Variants in VPS13B observed in about 807,000 individuals in gnomAD.
VPS13B encodes the protein vacuolar protein sorting 13 homolog B, also known as intermembrane lipid transfer protein VPS13B.
In VPS13B, 285 loss-of-function variants were observed where a neutral mutation model predicts 426.4. The observed-to-expected ratio is 0.67, with a 90% CI of 0.61 to 0.74. The LOEUF (loss-of-function observed/expected upper bound fraction) is 0.74. Ranked by LOEUF, VPS13B falls within the 30% of genes least tolerant of loss-of-function variation. VPS13B has a pLI of 0.00. For missense variants in VPS13B, 4,537 were observed against 4,782.6 expected, an observed-to-expected ratio of 0.95 and a Z score of 1.51; for synonymous variants, 1,676 against 1,676.4, an observed-to-expected ratio of 1.00 and a Z score of 0.01.
intron 33 of VPS13B, among the ~76,000 whole-genome samples, chr8:99,602,917 A>G (rs974993133): frequency 6.6e-6 from 1 of 152,242 alleles, no homozygotes; most frequent in South Asian, 2.1e-4. Flanking sequence ...ATGTTCATGG[A>G]TAGGAAGCAT....
intron 39 of VPS13B, among the ~76,000 whole-genome samples, chr8:99,752,726 A>G (rs1421799960): frequency 2.0e-5 from 3 of 152,230 alleles, no homozygotes; most frequent in African/African-American, 7.2e-5. Flanking sequence ...TATCTGTACT[A>G]TAGTTTTCAC....
At chr8:99,427,862 T>C (rs180895732) in intron 21 of VPS13B, among the ~76,000 whole-genome samples, 1,690 of 151,902 alleles carry the variant, frequency 0.011, 17 homozygotes, top group Non-Finnish European at 0.017. Context: ...AAGCTGGAGG[T>C]ATCAGGCTAC....
intron 3 of VPS13B, chr8:99,091,879 G>A (rs1205625239): frequency 6.6e-6 from 1 of 152,214 alleles, no homozygotes; most frequent in Admixed American, 6.5e-5. Flanking sequence ...TGCTTGCGAA[G>A]TTTGGTGCCA....
At chr8:99,430,435 G>A (rs570104059) in intron 21 of VPS13B, among the ~76,000 whole-genome samples, 17 of 152,070 alleles carry the variant, frequency 1.1e-4, no homozygotes, top group Admixed American at 3.3e-4. Flanking sequence ...TATAAATTAT[G>A]TATTTGAATT....
At position 99,810,555 on chromosome 8, in the gene VPS13B, G is replaced by A. The variant is rs191896707; in HGVS notation, c.8097+1025G>A. 1.8e-4 allele frequency among the ~76,000 whole-genome samples: 27 copies of A among 152,198 alleles called. No individual in the cohort carries two copies. In the East Asian group the frequency reaches 4.4e-3, roughly 25 times the overall value. On this transcript the variant is annotated intron_variant, in intron 44 of 61. Coordinates refer to ENST00000357162, the MANE Select transcript of VPS13B (RefSeq NM_152564.5). Reference sequence around the variant, plus strand: ...TGGTGATCTTATTATTGTGGGCCACGGAAATAAAAAGAGAACTCAACTCTA... The same window carrying A: ...TGGTGATCTTATTATTGTGGGCCACAGAAATAAAAAGAGAACTCAACTCTA...
chr8:99,217,708 G>C (rs189123801), intron 17 of VPS13B, among the ~76,000 whole-genome samples: 2 of 152,120 alleles, frequency 1.3e-5, no homozygotes, highest in Admixed American at 1.3e-4. Context: ...TCCTTTTCTT[G>C]GCAAATCCTT....
intron 17 of VPS13B, among the ~76,000 whole-genome samples, chr8:99,262,734 A>G (rs1262383101): frequency 2.0e-5 from 3 of 152,078 alleles, no homozygotes; most frequent in Non-Finnish European, 2.9e-5. Flanking sequence ...CCCAGTATCA[A>G]TATGGCTCCT....
intron 3 of VPS13B, among the ~76,000 whole-genome samples, chr8:99,071,300 G>T (rs1844836994): frequency 6.6e-6 from 1 of 152,162 alleles, no homozygotes; most frequent in African/African-American, 2.4e-5. Context: ...TGCTGCAGCT[G>T]TATCGCACTG....
At chr8:99,792,431 T>G (rs1812587740) in intron 43 of VPS13B, among the ~76,000 whole-genome samples, 3 of 142,998 alleles carry the variant, frequency 2.1e-5, no homozygotes, top group Non-Finnish European at 4.5e-5. Flanking sequence ...CTAAATTAGT[T>G]GATTTTTAGT....
intron 17 of VPS13B, among the ~76,000 whole-genome samples, chr8:99,271,913 C>T (rs1310979636): frequency 2.0e-5 from 3 of 152,098 alleles, no homozygotes; most frequent in Non-Finnish European, 2.9e-5. Flanking sequence ...GGTGGGGACA[C>T]AAAGCTAAAC....
intron 7 of VPS13B, among the ~76,000 whole-genome samples, chr8:99,119,143 T>C (rs1847818356): frequency 1.3e-5 from 2 of 152,212 alleles, no homozygotes; most frequent in Non-Finnish European, 1.5e-5. Flanking sequence ...GAATTTTTAA[T>C]GTGATTATCG....
chr8:99,315,811 G>T (rs900788025), intron 19 of VPS13B, among the ~76,000 whole-genome samples: 3 of 151,870 alleles, frequency 2.0e-5, no homozygotes, highest in Non-Finnish European at 1.5e-5. Context: ...TAATTTTTTT[G>T]TATTGGAATT....
At chr8:99,729,401 C>T (rs1258958768) in intron 39 of VPS13B, among the ~76,000 whole-genome samples, 1 of 152,180 alleles carries the variant, frequency 6.6e-6, no homozygotes, top group African/African-American at 2.4e-5. Context: ...AAAAGCCTTA[C>T]ACCATTTTTA....
At chr8:99,233,238 G>A in intron 17 of VPS13B, 1 of 1,225,726 alleles carries the variant, frequency 8.2e-7, no homozygotes, top group Non-Finnish European at 1.2e-6. Flanking sequence ...CACTAGTTAA[G>A]TTATGCAGTT....
At chr8:99,698,518 C>A (rs1014773625) in intron 35 of VPS13B, among the ~76,000 whole-genome samples, 1 of 152,214 alleles carries the variant, frequency 6.6e-6, no homozygotes, top group Non-Finnish European at 1.5e-5. Context: ...TCTTCCTGCA[C>A]ACACAGAAAA....
At chr8:99,375,270 T>C (rs1229423977) in intron 19 of VPS13B, among the ~76,000 whole-genome samples, 1 of 152,242 alleles carries the variant, frequency 6.6e-6, no homozygotes, top group Non-Finnish European at 1.5e-5. Flanking sequence ...CTGCCAAGAA[T>C]TATAGCCACT....
chr8:99,193,048 CT>C lies in VPS13B; in HGVS notation c.2507del (p.Leu836GlnfsTer3). 1.9e-6 allele frequency: 3 copies of C among 1,613,410 alleles called. No homozygotes were observed. Among genetic ancestry groups the C allele is most frequent in the Non-Finnish European group, 2.5e-6 (3 of 1,179,742 alleles). ...TGAAGCTTTGATAAATGAAATCTTC[CT>C]AAGTATAGGTAAGAGCACAGTCTTT... Reference protein sequence around the residue: ...VIEALINEIFLSIGVKSKNPL... With the variant: ...VIEALINEIFXSIGVKSKNPL... On this transcript the variant is annotated frameshift_variant, in exon 17 of 62. Transcript: ENST00000357162. LOFTEE classifies it high-confidence loss of function.
intron 19 of VPS13B, among the ~76,000 whole-genome samples, chr8:99,342,934 C>T (rs1462103204): frequency 6.6e-6 from 1 of 152,094 alleles, no homozygotes; most frequent in East Asian, 1.9e-4. Flanking sequence ...TGATAAAAGC[C>T]TTTCTAATGG....
Position 99,445,618 on chromosome 8 carries a change from T to C in VPS13B, c.3445+2983T>C, listed in dbSNP as rs189412530. ...GTTGGAAATTATTTTCTCACTATTC[T>C]TTTTTTTAATATTAGAAATTAACAC... On this transcript the variant is annotated intron_variant, in intron 23 of 61. Transcript: ENST00000357162. Among the ~76,000 whole-genome samples the C allele has an allele frequency of 1.9e-3, 290 of 151,552 alleles. 4 individuals carry two copies. Among genetic ancestry groups the C allele is most frequent in the Non-Finnish European group, 1.1e-3 (72 of 67,842 alleles).
Sources: allele counts gnomAD v4.1 joint callset (sites outside exome capture counted in the v4.1 genomes callset), GRCh38; gene constraint gnomAD v4.1.1; transcripts MANE v1.5; gene names NCBI Gene and HGNC (gene_info 2026-07-23, HGNC 2026-07-21).